The following PABPC4L variants were observed in gnomAD, a reference collection of about 807,000 sequenced individuals.
PABPC4L encodes poly(A) binding protein cytoplasmic 4 like.
For missense variants in PABPC4L, 452 were observed against 451.4 expected, an observed-to-expected ratio of 1.00 and a Z score of -0.01; for synonymous variants, 169 against 164.1, an observed-to-expected ratio of 1.03 and a Z score of -0.23.
the PABPC4L span, among the ~76,000 whole-genome samples, chr4:134,003,957 A>G: frequency 6.6e-6 from 1 of 151,926 alleles, no homozygotes; most frequent in Non-Finnish European, 1.5e-5. Flanking sequence ...CAAAACACTG[A>G]AAGTGTACCT....
the PABPC4L span, among the ~76,000 whole-genome samples, chr4:134,049,600 A>T: frequency 6.6e-6 from 1 of 152,260 alleles, no homozygotes; most frequent in East Asian, 1.9e-4. Flanking sequence ...CAGGCAATTC[A>T]TCATGTAACT....
the PABPC4L span, among the ~76,000 whole-genome samples, chr4:134,115,592 A>G: frequency 6.6e-6 from 1 of 151,818 alleles, no homozygotes; most frequent in East Asian, 1.9e-4. Context: ...GGATAAGGAA[A>G]TAACTTTCTT....
chr4:134,065,386 T>C, the PABPC4L span, among the ~76,000 whole-genome samples: 1 of 152,128 alleles, frequency 6.6e-6, no homozygotes, highest in African/African-American at 2.4e-5. Context: ...GCTGTACGTA[T>C]GTCTTCTTTT....
chr4:134,074,938 A>G, the PABPC4L span, among the ~76,000 whole-genome samples: 1 of 152,118 alleles, frequency 6.6e-6, no homozygotes, highest in African/African-American at 2.4e-5. Flanking sequence ...TCAAGATGAG[A>G]TTTGGGTGGG....
At chr4:134,081,746 A>G in the PABPC4L span, among the ~76,000 whole-genome samples, 1 of 152,022 alleles carries the variant, frequency 6.6e-6, no homozygotes, top group Non-Finnish European at 1.5e-5. Context: ...AAAAAGAAAA[A>G]CCAACTAACC....
At chr4:134,066,767 T>C in the PABPC4L span, among the ~76,000 whole-genome samples, 8 of 152,096 alleles carry the variant, frequency 5.3e-5, no homozygotes, top group Non-Finnish European at 1.2e-4. Flanking sequence ...TGAATTTTAC[T>C]AAAAGCCTTT....
At chr4:134,154,459 A>G in the PABPC4L span, among the ~76,000 whole-genome samples, 26 of 151,926 alleles carry the variant, frequency 1.7e-4, no homozygotes, top group Non-Finnish European at 8.8e-5. Context: ...CTGTTTAAAA[A>G]ATAAATAAAT....
the PABPC4L span, among the ~76,000 whole-genome samples, chr4:134,173,127 G>C: frequency 8.5e-6 from 1 of 118,098 alleles, no homozygotes; most frequent in Admixed American, 1.1e-4. Context: ...TAAATTAGAA[G>C]AGCTACTATG....
the PABPC4L span, among the ~76,000 whole-genome samples, chr4:133,996,447 AG>A: frequency 6.6e-6 from 1 of 152,140 alleles, no homozygotes; most frequent in Non-Finnish European, 1.5e-5. Context: ...ACTAGCTTTA[AG>A]CAGCTGTTTC....
the PABPC4L span, among the ~76,000 whole-genome samples, chr4:134,035,621 G>A: frequency 6.6e-6 from 1 of 151,876 alleles, no homozygotes; most frequent in East Asian, 1.9e-4. Context: ...TTAGTCATTT[G>A]TATCAATAAA....
chr4:134,188,190 AAAC>A, the PABPC4L span, among the ~76,000 whole-genome samples: 4 of 151,968 alleles, frequency 2.6e-5, no homozygotes, highest in Non-Finnish European at 5.9e-5. Context: ...CTAATTAAAA[AAAC>A]AACAACAACA....
the PABPC4L span, among the ~76,000 whole-genome samples, chr4:134,118,961 A>C: frequency 7.2e-3 from 1,091 of 151,480 alleles, 5 homozygotes; most frequent in Non-Finnish European, 0.011. Context: ...TTATAGCATG[A>C]TTTTTTTTCT....
the PABPC4L span, among the ~76,000 whole-genome samples, chr4:134,087,808 G>T: frequency 6.6e-6 from 1 of 151,930 alleles, no homozygotes; most frequent in South Asian, 2.1e-4. Context: ...CTTCCTCCTG[G>T]CCTTTTCCCT....
the PABPC4L span, among the ~76,000 whole-genome samples, chr4:133,990,462 C>G: frequency 6.6e-6 from 1 of 152,106 alleles, no homozygotes; most frequent in East Asian, 1.9e-4. Context: ...ATTTTCTCCC[C>G]ATCCCCTTTC....
the PABPC4L span, among the ~76,000 whole-genome samples, chr4:134,133,360 T>G: frequency 8.4e-5 from 12 of 142,692 alleles, no homozygotes; most frequent in African/African-American, 2.8e-4. Context: ...ATCTTATATA[T>G]AATTGTTATA....
chr4:134,128,740 A>G, the PABPC4L span, among the ~76,000 whole-genome samples: 1 of 152,278 alleles, frequency 6.6e-6, no homozygotes, highest in African/African-American at 2.4e-5. Context: ...ACAAAAAATA[A>G]AAATAAAGAA....
chr4:134,163,071 G>T, the PABPC4L span, among the ~76,000 whole-genome samples: 1 of 151,970 alleles, frequency 6.6e-6, no homozygotes, highest in Admixed American at 6.6e-5. Context: ...AAACAAAAAG[G>T]TGGTTCTTAT....
chr4:133,979,307 T>C, the PABPC4L span, among the ~76,000 whole-genome samples: 1 of 152,088 alleles, frequency 6.6e-6, no homozygotes, highest in Non-Finnish European at 1.5e-5. Flanking sequence ...TTCTGAAAAA[T>C]TTTGTAAGCT....
At chr4:134,091,467 C>T in the PABPC4L span, among the ~76,000 whole-genome samples, 1 of 151,976 alleles carries the variant, frequency 6.6e-6, no homozygotes, top group East Asian at 1.9e-4. Flanking sequence ...GAACTTTCAT[C>T]TCTATTATCA....
Sources: gnomAD v4.1 joint callset for allele counts (sites outside exome capture counted in the v4.1 genomes callset) on GRCh38, gnomAD v4.1.1 for gene constraint, MANE v1.5 for transcripts, NCBI Gene and HGNC (gene_info 2026-07-23, HGNC 2026-07-21) for gene names.